BBX: variants seen among roughly 807,000 people sequenced by gnomAD.
BBX encodes the protein BBX high mobility group box domain containing, also known as HMG box transcription factor BBX.
A neutral mutation model predicts 100.2 loss-of-function variants in BBX; 30 were observed. That is an observed-to-expected ratio of 0.30 (90% CI 0.22 to 0.41). BBX has a LOEUF of 0.41. BBX is among the 10% of genes least tolerant of loss of function. The pLI, the probability that BBX is intolerant of heterozygous loss-of-function variation, is 1.00. For missense variants in BBX, 1,023 were observed against 1,129.8 expected (o/e 0.91, Z 1.35); for synonymous variants, 376 against 388.1 (o/e 0.97, Z 0.37).
At chr3:107,783,221 C>G (rs547340874) in intron 13 of BBX, among the ~76,000 whole-genome samples, 2 of 152,006 alleles carry the variant, frequency 1.3e-5, no homozygotes, top group Non-Finnish European at 2.9e-5. Flanking sequence ...TAAATCTTAT[C>G]TATTTGTTTT....
At chr3:107,665,796 T>A (rs896420964) in intron 3 of BBX, among the ~76,000 whole-genome samples, 1 of 152,178 alleles carries the variant, frequency 6.6e-6, no homozygotes, top group Non-Finnish European at 1.5e-5. Context: ...TAACCCCATG[T>A]CTTTTCTCAC....
At chr3:107,600,516 T>C (rs759152063) in intron 2 of BBX, among the ~76,000 whole-genome samples, 2 of 152,224 alleles carry the variant, frequency 1.3e-5, no homozygotes, top group Non-Finnish European at 1.5e-5. Flanking sequence ...GGAAATTAAA[T>C]TGTTTAAGTT....
chr3:107,564,774 G>A (rs1438170463), intron 2 of BBX, among the ~76,000 whole-genome samples: 1 of 151,912 alleles, frequency 6.6e-6, no homozygotes, highest in Non-Finnish European at 1.5e-5. Context: ...TAATCCTCTT[G>A]CTATCAGATA....
At chr3:107,784,436 A>G (rs1291466594) in intron 13 of BBX, among the ~76,000 whole-genome samples, 7 of 152,028 alleles carry the variant, frequency 4.6e-5, no homozygotes, top group Admixed American at 4.6e-4. Flanking sequence ...ATATAAAAGG[A>G]TTGAAATAAT....
intron 3 of BBX, among the ~76,000 whole-genome samples, chr3:107,700,789 A>G (rs2060985908): frequency 6.6e-6 from 1 of 151,680 alleles, no homozygotes; most frequent in African/African-American, 2.4e-5. Context: ...ATGGCTGCAT[A>G]GTAGTATTCT....
intron 2 of BBX, among the ~76,000 whole-genome samples, chr3:107,592,101 C>CA (rs151073044): frequency 0.13 from 19,088 of 152,106 alleles, 1,434 homozygotes; most frequent in Middle Eastern, 0.19. Context: ...AACAGTCTCC[C>CA]AGTTTAGTAT....
intron 5 of BBX, among the ~76,000 whole-genome samples, chr3:107,725,592 A>C (rs1044588374): frequency 1.3e-5 from 2 of 152,094 alleles, no homozygotes; most frequent in East Asian, 3.8e-4. Context: ...GTCACATAAA[A>C]ATGCCCTTGT....
rs1367676513 is a variant in BBX at position 107,716,834 on chromosome 3, A to G, written c.390A>G (p.Thr130=). 3 of 1,613,506 alleles carry G rather than the reference A, an allele frequency of 1.9e-6. No homozygotes were observed. The Admixed American group carries it at 5.0e-5, about 27-fold the overall frequency. The change falls in exon 5 of 18, where the codon ACA becomes ACG. Residue 130 remains threonine (T), a synonymous_variant. Coordinates refer to ENST00000325805, the MANE Select transcript of BBX (RefSeq NM_001142568.3). The part of the protein sequence containing the change: ...VLDPKEKQKY[T]DMAKEYKDAF... Reference sequence around the variant, plus strand: ...ATCCAAAGGAAAAGCAGAAATACACAGACATGGCCAAGGAGGTAGGTTACA... The same window carrying G: ...ATCCAAAGGAAAAGCAGAAATACACGGACATGGCCAAGGAGGTAGGTTACA...
chr3:107,717,276 C>CA (rs780616484), intron 5 of BBX, among the ~76,000 whole-genome samples: 1 of 152,106 alleles, frequency 6.6e-6, no homozygotes, highest in Non-Finnish European at 1.5e-5. Context: ...GTAAAGTTGA[C>CA]AATCTTAGGT....
intron 2 of BBX, among the ~76,000 whole-genome samples, chr3:107,626,461 C>G (rs2056181515): frequency 6.6e-6 from 1 of 152,134 alleles, no homozygotes; most frequent in South Asian, 2.1e-4. Flanking sequence ...TTAGGAGTCA[C>G]TTAGCTGTGT....
chr3:107,551,120 C>T (rs2049635831), intron 2 of BBX, among the ~76,000 whole-genome samples: 1 of 152,152 alleles, frequency 6.6e-6, no homozygotes, highest in African/African-American at 2.4e-5. Flanking sequence ...AGGTAATTTA[C>T]AGCACAGTTC....
chr3:107,770,593 A>G (rs2066825817), intron 10 of BBX, among the ~76,000 whole-genome samples: 1 of 152,198 alleles, frequency 6.6e-6, no homozygotes, highest in Admixed American at 6.5e-5. Flanking sequence ...CTTTGAGCTT[A>G]TTTCTGGTTA....
At chr3:107,697,301 GCT>G (rs923245348) in intron 3 of BBX, among the ~76,000 whole-genome samples, 5 of 151,818 alleles carry the variant, frequency 3.3e-5, no homozygotes, top group Non-Finnish European at 5.9e-5. Context: ...CAGTTTTTCT[GCT>G]CTGTTTTTTC....
At chr3:107,583,341 A>G (rs926250441) in intron 2 of BBX, among the ~76,000 whole-genome samples, 8 of 152,052 alleles carry the variant, frequency 5.3e-5, no homozygotes, top group Non-Finnish European at 1.2e-4. Context: ...AAGTGAGGAA[A>G]CAGAACATGA....
In BBX at chr3:107,549,990, GAATA is replaced by G. The variant is rs562825365; in HGVS notation, c.-84+23597_-84+23600del. Among the ~76,000 whole-genome samples the G allele has an allele frequency of 8.7e-3, 1,321 of 151,526 alleles. 25 individuals carry two copies. Among genetic ancestry groups the G allele is most frequent in the African/African-American group, 0.031 (1,259 of 41,276 alleles). On this transcript the variant is annotated intron_variant, in intron 2 of 17. Coordinates refer to ENST00000325805, the MANE Select transcript of BBX (RefSeq NM_001142568.3). ...ATTAATTTTTCAAAAATTCTTATGG[GAATA>G]AATACTTTCTTTTCCTCCTTATTCA...
chr3:107,697,720 T>C (rs2060731612), intron 3 of BBX, among the ~76,000 whole-genome samples: 1 of 151,832 alleles, frequency 6.6e-6, no homozygotes, highest in Non-Finnish European at 1.5e-5. Context: ...TGTGGTGGGC[T>C]CCACCCAGTT....
At chr3:107,584,670 ATCTTTTTTTTTTTTTT>A in intron 2 of BBX, among the ~76,000 whole-genome samples, 1 of 69,824 alleles carries the variant, frequency 1.4e-5, no homozygotes, top group South Asian at 4.4e-4. Context: ...TTCCGTTGAA[ATCTTTTTTTTTTTTTT>A]TTTTTTTTTT....
chr3:107,689,258 G>C (rs2060015186), intron 3 of BBX, among the ~76,000 whole-genome samples: 2 of 152,116 alleles, frequency 1.3e-5, no homozygotes, highest in African/African-American at 4.8e-5. Flanking sequence ...ATAAACACAG[G>C]AAGTTGTATG....
Position 107,589,925 on chromosome 3 carries a change from CTTTTA to C in BBX, c.-83-55903_-83-55899del, listed in dbSNP as rs1411946411. On this transcript the variant is annotated intron_variant, in intron 2 of 17. Coordinates refer to ENST00000325805, the MANE Select transcript of BBX (RefSeq NM_001142568.3). ...TATGAATTCTGATTAGTTCTTTATGCTTTTATTTTATTGCTTTCTATCATTTTGGG... is the reference window on the plus strand; with the variant it reads ...TATGAATTCTGATTAGTTCTTTATGCTTTTATTGCTTTCTATCATTTTGGG... 2.6e-5 allele frequency among the ~76,000 whole-genome samples: 4 copies of C among 152,166 alleles called. No individual in the cohort carries two copies. The East Asian group carries it at 7.7e-4, about 29-fold the overall frequency.
Sources: allele counts gnomAD v4.1 joint callset (sites outside exome capture counted in the v4.1 genomes callset), GRCh38; gene constraint gnomAD v4.1.1; transcripts MANE v1.5; gene names NCBI Gene and HGNC (gene_info 2026-07-23, HGNC 2026-07-21).